ZNF420: variants seen among roughly 807,000 people sequenced by gnomAD.
The protein encoded by ZNF420 is zinc finger protein 420, also known as ATM and p53-associated KZNF protein.
In ZNF420, 31 loss-of-function variants were observed where a neutral mutation model predicts 44.7. The observed-to-expected ratio is 0.69, with a 90% confidence interval of 0.52 to 0.94. ZNF420 has a LOEUF of 0.94. ZNF420 is among the 40% of genes least tolerant of loss of function. ZNF420 has a pLI of 0.00. For synonymous variants in ZNF420, 245 were observed against 267.4 expected, an observed-to-expected ratio of 0.92 and a Z score of 0.82; for missense variants, 681 against 827.9, an observed-to-expected ratio of 0.82 and a Z score of 2.18.
chr19:37,015,117 G>A (rs7259878), intron 1 of ZNF420, among the ~76,000 whole-genome samples: 1 of 152,138 alleles, frequency 6.6e-6, no homozygotes, highest in Non-Finnish European at 1.5e-5. Context: ...GTTTCTGTGC[G>A]AGTGCTGGAT....
upstream of ZNF420, among the ~76,000 whole-genome samples, chr19:37,075,684 GT>G (rs1189235307): frequency 6.6e-6 from 1 of 152,178 alleles, no homozygotes. Flanking sequence ...GGAGGTTGCA[GT>G]GAGCTGAGAG....
chr19:37,033,483 C>T lies in ZNF420; in HGVS notation c.-125+25401C>T, dbSNP rs144395534. On this transcript the variant is annotated intron_variant, in intron 1 of 4. Coordinates refer to the ZNF420 transcript ENST00000587029. Reference sequence around the variant, plus strand: ...AGTATTAGTTTTTTGTATCCAGCTTCTTTCACTTAGTCTTATGTCAAGGTT... The same window carrying T: ...AGTATTAGTTTTTTGTATCCAGCTTTTTTCACTTAGTCTTATGTCAAGGTT... 9.1e-3 allele frequency among the ~76,000 whole-genome samples: 1,380 copies of T among 152,278 alleles called. 14 individuals carry two copies. Among genetic ancestry groups the T allele is most frequent in the Middle Eastern group, 0.037 (11 of 294 alleles).
At chr19:37,070,042 G>A (rs998268785) in intron 1 of ZNF420, among the ~76,000 whole-genome samples, 1 of 152,060 alleles carries the variant, frequency 6.6e-6, no homozygotes, top group Non-Finnish European at 1.5e-5. Flanking sequence ...TTATAAAACT[G>A]CTACAGCATG....
At chr19:37,054,959 T>G (rs185937383) in intron 1 of ZNF420, among the ~76,000 whole-genome samples, 1 of 152,316 alleles carries the variant, frequency 6.6e-6, no homozygotes, top group African/African-American at 2.4e-5. Flanking sequence ...ATGCCCCTAA[T>G]GATTTGAAAT....
chr19:37,113,472 TTTTAATGG>T (rs759517652), intron 4 of ZNF420, among the ~76,000 whole-genome samples: 1 of 152,080 alleles, frequency 6.6e-6, no homozygotes, highest in Non-Finnish European at 1.5e-5. Context: ...GGACCTTTCC[TTTTAATGG>T]TTTAATGGCT....
chr19:37,013,559 C>T (rs1004461455), intron 1 of ZNF420, among the ~76,000 whole-genome samples: 4 of 151,940 alleles, frequency 2.6e-5, no homozygotes, highest in Non-Finnish European at 5.9e-5. Context: ...AGCGCGGGAT[C>T]CCAGCTTCAG....
chr19:37,047,951 G>C (rs536802743), intron 1 of ZNF420, among the ~76,000 whole-genome samples: 14 of 152,296 alleles, frequency 9.2e-5, no homozygotes, highest in African/African-American at 3.4e-4. Flanking sequence ...GCACACTAGA[G>C]CATCACTTGC....
At chr19:37,078,672 C>G (rs1374573007) in intron 1 of ZNF420, 102 bp downstream of exon 1, 1 of 152,330 alleles carries the variant, frequency 6.6e-6, no homozygotes, top group African/African-American at 2.4e-5. Flanking sequence ...CTACAGCCTG[C>G]CTGGTATTGG....
At chr19:37,058,742 A>G (rs569343067) in intron 1 of ZNF420, among the ~76,000 whole-genome samples, 38 of 152,120 alleles carry the variant, frequency 2.5e-4, no homozygotes, top group African/African-American at 8.4e-4. Context: ...TCGTCTCGCA[A>G]TCACCCCATA....
At chr19:37,103,545 C>T (rs910739382) in intron 4 of ZNF420, among the ~76,000 whole-genome samples, 1 of 152,208 alleles carries the variant, frequency 6.6e-6, no homozygotes, top group African/African-American at 2.4e-5. Flanking sequence ...TGTCCCTGAG[C>T]TGATCTCACT....
chr19:37,031,504 T>G lies in ZNF420; in HGVS notation c.-125+23422T>G, dbSNP rs377077449. Among the ~76,000 whole-genome samples, 6 of 152,164 alleles carry G rather than the reference T, an allele frequency of 3.9e-5. No individual in the cohort carries two copies. In the South Asian group the frequency reaches 1.2e-3, roughly 32 times the overall value. The stretch of plus-strand genomic sequence containing the variant: ...TCTCTTTGTAATTTTATTATGCATT[T>G]TCTTTTCTTTATTTTTTTGGACACG... On this transcript the variant is annotated intron_variant, in intron 1 of 4. Coordinates refer to the ZNF420 transcript ENST00000587029.
chr19:37,053,346 C>T (rs1194118258), intron 1 of ZNF420, among the ~76,000 whole-genome samples: 2 of 152,144 alleles, frequency 1.3e-5, no homozygotes, highest in African/African-American at 4.8e-5. Context: ...CATCTGAAGC[C>T]TTCTTCTCTC....
Position 37,065,069 on chromosome 19 carries a change from C to T in ZNF420, c.-124-15276C>T, listed in dbSNP as rs141630615. On this transcript the variant is annotated intron_variant, in intron 1 of 4. Transcript: ENST00000587029. The stretch of plus-strand genomic sequence containing the variant: ...ATTGCATTAAGTACATGATTTACAG[C>T]TGTGATGGTTTAGCATTTGCTCTAC... Among the ~76,000 whole-genome samples, 164 of 152,292 alleles carry T rather than the reference C, an allele frequency of 1.1e-3. 1 individual carries two copies. The East Asian group carries it at 0.017, about 16-fold the overall frequency.
At chr19:37,121,821 A>C (rs936959960) in intron 4 of ZNF420, among the ~76,000 whole-genome samples, 27 of 152,254 alleles carry the variant, frequency 1.8e-4, no homozygotes, top group African/African-American at 6.5e-4. Flanking sequence ...ATGAACAGAC[A>C]CTTCTCAAAA....
chr19:37,064,171 A>G (rs952980455), intron 1 of ZNF420, among the ~76,000 whole-genome samples: 20 of 152,178 alleles, frequency 1.3e-4, no homozygotes, highest in African/African-American at 4.8e-4. Flanking sequence ...AATCACTAAG[A>G]TATACCAGCC....
chr19:37,121,737 G>A (rs564856773), intron 4 of ZNF420, among the ~76,000 whole-genome samples: 1 of 152,184 alleles, frequency 6.6e-6, no homozygotes, highest in East Asian at 1.9e-4. Context: ...CTGACAAAGG[G>A]CTAATATCCA....
rs541526129 is a variant in ZNF420, at chr19:37,009,838, G to T, written c.-125+1756G>T. Reference sequence around the variant, plus strand: ...GAGGAGTACTGAGACCCCAGCAGGCGCCCTGAACCTCCTCTTCCACTGGTA... The same window carrying T: ...GAGGAGTACTGAGACCCCAGCAGGCTCCCTGAACCTCCTCTTCCACTGGTA... On this transcript the variant is annotated intron_variant, in intron 1 of 4. Transcript: ENST00000587029. Among the ~76,000 whole-genome samples the T allele has an allele frequency of 3.1e-4, 47 of 152,232 alleles. 1 individual carries two copies. Among genetic ancestry groups the T allele is most frequent in the Admixed American group, 9.1e-4 (14 of 15,304 alleles).
intron 4 of ZNF420, chr19:37,111,858 G>A (rs1300375956): frequency 6.6e-6 from 1 of 152,138 alleles, no homozygotes; most frequent in African/African-American, 2.4e-5. Context: ...CCAGTCTTTT[G>A]GGATCATGGC....
chr19:37,105,269 T>C (rs1449324687), intron 4 of ZNF420, among the ~76,000 whole-genome samples: 1 of 152,226 alleles, frequency 6.6e-6, no homozygotes, highest in African/African-American at 2.4e-5. Context: ...CTTTCCCCAT[T>C]TCTTGTTTTT....
Sources: allele counts gnomAD v4.1 joint callset (sites outside exome capture counted in the v4.1 genomes callset), GRCh38; gene constraint gnomAD v4.1.1; transcripts MANE v1.5; gene names NCBI Gene and HGNC (gene_info 2026-07-23, HGNC 2026-07-21).